TRA2A: variants seen among roughly 807,000 people sequenced by gnomAD.
TRA2A encodes transformer 2 alpha homolog.
Under a neutral mutation model 45.7 loss-of-function variants are expected in TRA2A, and 31 were observed. The ratio of observed to expected loss-of-function variants is 0.68; its 90% CI spans 0.51 to 0.92. The LOEUF (loss-of-function observed/expected upper bound fraction) is 0.92, where lower values mean the gene tolerates loss of function less well. Ranked by LOEUF, TRA2A falls within the 40% of genes least tolerant of loss-of-function variation. The pLI, the probability that TRA2A is intolerant of heterozygous loss-of-function variation, is 0.00. For missense variants in TRA2A, 304 were observed against 367.5 expected (o/e 0.83, Z 1.41); for synonymous variants, 132 against 126.2 (o/e 1.05, Z -0.31).
At chr7:23,509,983 G>A (rs1789521941) in intron 4 of TRA2A, among the ~76,000 whole-genome samples, 1 of 152,164 alleles carries the variant, frequency 6.6e-6, no homozygotes, top group Non-Finnish European at 1.5e-5. Flanking sequence ...CTGAGATCGT[G>A]CCACCACACT....
Position 23,511,405 on chromosome 7 carries a change from A to AAAAAAG in TRA2A, c.525+1483_525+1488dup, listed in dbSNP as rs1562789152. On this transcript the variant is annotated intron_variant, in intron 4 of 7. Transcript: ENST00000297071. ...AAAAAAAAAAAAAAAAAAAAAAAAA[A>AAAAAAG]AAAAAGAAAAGAAAAGAAAAGAAAA... is the stretch of plus-strand genomic sequence containing the variant. Among the ~76,000 whole-genome samples, 419 of 44,244 alleles carry AAAAAAG rather than the reference A, an allele frequency of 9.5e-3. 2 individuals are homozygous for AAAAAAG. Among genetic ancestry groups the AAAAAAG allele is most frequent in the Non-Finnish European group, 0.016 (349 of 21,290 alleles). The allele number at this position is 44,244 out of a possible 152,430, so 29.0% of individuals were successfully genotyped here.
At chr7:23,510,070 AG>A (rs1789526879) in intron 4 of TRA2A, among the ~76,000 whole-genome samples, 1 of 152,154 alleles carries the variant, frequency 6.6e-6, no homozygotes, top group Non-Finnish European at 1.5e-5. Context: ...CAACAAAAAA[AG>A]AAAAAAATCA....
intron 3 of TRA2A, among the ~76,000 whole-genome samples, chr7:23,514,096 TC>T (rs1789751595): frequency 6.6e-6 from 1 of 151,206 alleles, no homozygotes; most frequent in African/African-American, 2.4e-5. Context: ...AGACGGAGTT[TC>T]ACTCTTGTTG....
At chr7:23,518,401 G>A (rs547742764) in intron 2 of TRA2A, among the ~76,000 whole-genome samples, 1 of 152,102 alleles carries the variant, frequency 6.6e-6, no homozygotes, top group African/African-American at 2.4e-5. Flanking sequence ...GAGTGCAATG[G>A]CACAATCTCA....
At chr7:23,516,657 A>G (rs533463265) in intron 2 of TRA2A, 129 bp from the exon 3 acceptor site, 1 of 761,684 alleles carries the variant, frequency 1.3e-6, no homozygotes, top group South Asian at 1.9e-5. Flanking sequence ...AGGAAAGGGT[A>G]TTCTTCCTTT....
intron 3 of TRA2A, among the ~76,000 whole-genome samples, chr7:23,514,483 C>T (rs1789768869): frequency 1.3e-5 from 2 of 152,048 alleles, no homozygotes; most frequent in African/African-American, 4.8e-5. Context: ...AAAAAGTATC[C>T]TCAGTTTAAT....
At chr7:23,531,106 A>C (rs1790563308) in intron 1 of TRA2A, 1 of 449,080 alleles carries the variant, frequency 2.2e-6, no homozygotes, top group African/African-American at 2.1e-5. Context: ...TTAAGGGAAA[A>C]GGGCTCCTTG....
chr7:23,531,151 G>T (rs761397217), intron 1 of TRA2A: 34 of 917,678 alleles, frequency 3.7e-5, no homozygotes, highest in Middle Eastern at 5.5e-4. Flanking sequence ...TCTTAAGAAC[G>T]CTTAAGGGTC....
intron 1 of TRA2A, among the ~76,000 whole-genome samples, chr7:23,530,358 T>C (rs1202577332): frequency 1.3e-5 from 2 of 152,222 alleles, no homozygotes; most frequent in African/African-American, 4.8e-5. Context: ...TATAGTCTAT[T>C]GCTTTAAATC....
intron 2 of TRA2A, among the ~76,000 whole-genome samples, chr7:23,520,447 G>C (rs943184327): frequency 5.3e-5 from 8 of 152,142 alleles, no homozygotes; most frequent in Non-Finnish European, 1.2e-4. Flanking sequence ...TCAAATTCTA[G>C]CCAGTGCTAT....
At chr7:23,524,946 T>C (rs2127999742) in intron 1 of TRA2A, among the ~76,000 whole-genome samples, 1 of 152,222 alleles carries the variant, frequency 6.6e-6, no homozygotes, top group Admixed American at 6.5e-5. Context: ...CGCCTTGGCC[T>C]CCCAAAGCGC....
chr7:23,524,693 A>G (rs562934934), intron 1 of TRA2A, among the ~76,000 whole-genome samples: 4 of 143,040 alleles, frequency 2.8e-5, no homozygotes, highest in African/African-American at 1.0e-4. Flanking sequence ...GATTTTAACT[A>G]TTTTTTTTTT....
rs540805957 is a variant in TRA2A at position 23,531,748 on chromosome 7, T to C, written c.36+41A>G. ...GCTTGTTCCCGTGAAACCCCGAGCA[T>C]TGGGCCGCCGCCTAGACGGCTCCCG... On this transcript the variant is annotated intron_variant, in intron 1 of 7. Transcript: ENST00000297071. 7.1e-5 allele frequency: 114 copies of C among 1,611,224 alleles called. No homozygotes were observed. The South Asian group carries it at 8.5e-4, about 12-fold the overall frequency.
intron 1 of TRA2A, among the ~76,000 whole-genome samples, chr7:23,523,323 A>G (rs1480330098): frequency 1.3e-5 from 2 of 152,190 alleles, no homozygotes; most frequent in Non-Finnish European, 2.9e-5. Context: ...AAAGCATTCC[A>G]AATAAAATAA....
At chr7:23,513,143 A>C in intron 3 of TRA2A, 61 bp from the exon 4 acceptor site, 1 of 1,262,798 alleles carries the variant, frequency 7.9e-7, no homozygotes, top group Non-Finnish European at 1.1e-6. Context: ...GAAACACAGA[A>C]ATACTTTGTT....
chr7:23,511,686 G>A (rs1054084483), intron 4 of TRA2A, among the ~76,000 whole-genome samples: 1 of 151,716 alleles, frequency 6.6e-6, no homozygotes, highest in African/African-American at 2.4e-5. Context: ...GAGTTGTTCC[G>A]AGACCAGCCT....
At chr7:23,505,604 A>AAAAAAATAAAAAAAAAAAAC in intron 7 of TRA2A, 35 bp from the exon 8 acceptor site, 1 of 607,456 alleles carries the variant, frequency 1.6e-6, no homozygotes, top group Non-Finnish European at 2.9e-6. Context: ...AAAAAAAAAA[A>AAAAAAATAAAAAAAAAAAAC]AAAAGTTAAC....
At position 23,516,451 on chromosome 7, in the gene TRA2A, C is replaced by G. The variant is rs777658781; in HGVS notation, c.248G>C (p.Arg83Pro). The change falls in exon 3 of 8, where the codon CGA (arginine) becomes CCA (proline). Residue 83 changes from arginine (R) to proline (P), a missense_variant. Physicochemically the swap from Arg to Pro is moderately radical, Grantham distance 103. Around this residue, in one of 3 missense-constraint regions of TRA2A, gnomAD observed 132 missense variants for 113.4 expected, o/e 1.16. Coordinates refer to ENST00000297071, the MANE Select transcript of TRA2A (RefSeq NM_013293.5). ...SHSHSHRRRS[R>P]SRSYTPEYRR... ...GTATTCTGGTGTATATGATCTACTT[C>G]GAGATCGTCTCCTATGAGAGTGAGA... 2 of 1,614,194 alleles carry G rather than the reference C, an allele frequency of 1.2e-6. No individual in the cohort carries two copies. The highest frequency in any genetic ancestry group is 2.2e-5 in the South Asian group (2 of 91,088).
At chr7:23,506,942 A>T (rs552077650) in intron 5 of TRA2A, among the ~76,000 whole-genome samples, 2 of 151,792 alleles carry the variant, frequency 1.3e-5, no homozygotes, top group Admixed American at 1.3e-4. Context: ...TGCCCAGCCA[A>T]TTTTTTGTAT....
Sources: allele counts gnomAD v4.1 joint callset (sites outside exome capture counted in the v4.1 genomes callset), GRCh38; gene constraint gnomAD v4.1.1; regional missense constraint gnomAD v4.1.1; transcripts MANE v1.5; gene names NCBI Gene and HGNC (gene_info 2026-07-23, HGNC 2026-07-21).